The following MSRA variants were observed in gnomAD, a reference collection of about 807,000 sequenced individuals.
MSRA encodes mitochondrial peptide methionine sulfoxide reductase.
Under a neutral mutation model 31.3 loss-of-function variants are expected in MSRA, and 54 were observed. The ratio of observed to expected loss-of-function variants is 1.73; its 90% CI spans 1.39 to 2.17. The LOEUF (loss-of-function observed/expected upper bound fraction) is 2.17, where lower values mean the gene tolerates loss of function less well. Among genes scored for constraint, MSRA ranks in the 30% most tolerant of loss-of-function variants. The pLI, the probability that MSRA is intolerant of heterozygous loss-of-function variation, is 0.00. For synonymous variants in MSRA, 169 were observed against 116.5 expected (o/e 1.45, Z -2.90); for missense variants, 507 against 300.9 (o/e 1.69, Z -5.07).
intron 1 of MSRA, among the ~76,000 whole-genome samples, chr8:10,162,575 T>TG (rs1804758037): frequency 6.6e-6 from 1 of 151,776 alleles, no homozygotes; most frequent in African/African-American, 2.4e-5. Flanking sequence ...GGGGCTACCA[T>TG]GGGGGTCCAG....
chr8:10,130,120 A>G (rs1442288987), intron 1 of MSRA, among the ~76,000 whole-genome samples: 1 of 152,172 alleles, frequency 6.6e-6, no homozygotes, highest in African/African-American at 2.4e-5. Flanking sequence ...GGATGTATCA[A>G]GGACGCTAAA....
intron 1 of MSRA, among the ~76,000 whole-genome samples, chr8:10,159,238 C>T (rs1033806825): frequency 2.0e-4 from 30 of 152,330 alleles, no homozygotes; most frequent in African/African-American, 7.2e-4. Context: ...CATTTCCTGC[C>T]TGGGCACCTG....
At chr8:10,408,167 G>C (rs1010726043) in intron 5 of MSRA, among the ~76,000 whole-genome samples, 1 of 152,154 alleles carries the variant, frequency 6.6e-6, no homozygotes, top group Non-Finnish European at 1.5e-5. Context: ...TCCCTGGGAC[G>C]AGATGTGCAA....
At chr8:10,360,917 C>G (rs1481030098) in intron 5 of MSRA, among the ~76,000 whole-genome samples, 2 of 152,190 alleles carry the variant, frequency 1.3e-5, no homozygotes, top group African/African-American at 4.8e-5. Context: ...CATACTTGGG[C>G]AAGCCTGTGA....
intron 2 of MSRA, among the ~76,000 whole-genome samples, chr8:10,236,226 A>G (rs1297749868): frequency 6.6e-6 from 1 of 152,188 alleles, no homozygotes; most frequent in Non-Finnish European, 1.5e-5. Flanking sequence ...TAGCATTGTC[A>G]TTATTCAGCA....
chr8:10,395,086 C>T (rs959862454), intron 5 of MSRA, among the ~76,000 whole-genome samples: 7 of 152,154 alleles, frequency 4.6e-5, no homozygotes, highest in African/African-American at 1.7e-4. Context: ...TGTGTGTAAG[C>T]GTAGCAGGAA....
intron 2 of MSRA, among the ~76,000 whole-genome samples, chr8:10,232,352 T>TGG (rs1435744693): frequency 5.3e-5 from 8 of 152,042 alleles, no homozygotes; most frequent in African/African-American, 1.9e-4. Context: ...TAGGCAGAGG[T>TGG]GGAGAGTGGG....
At chr8:10,147,772 A>T (rs1036488459) in intron 1 of MSRA, among the ~76,000 whole-genome samples, 1 of 152,194 alleles carries the variant, frequency 6.6e-6, no homozygotes, top group African/African-American at 2.4e-5. Context: ...TTCTCCTAGC[A>T]TCTGTGGCAC....
intron 3 of MSRA, among the ~76,000 whole-genome samples, chr8:10,291,847 T>C (rs1800253459): frequency 6.6e-6 from 1 of 152,164 alleles, no homozygotes; most frequent in Non-Finnish European, 1.5e-5. Flanking sequence ...ATAGGATAAA[T>C]AAACTAAGTC....
At chr8:10,061,306 G>T (rs1190885120) in intron 1 of MSRA, among the ~76,000 whole-genome samples, 1 of 152,054 alleles carries the variant, frequency 6.6e-6, no homozygotes, top group African/African-American at 2.4e-5. Flanking sequence ...TCTATTAAAG[G>T]CCTGCTTAGG....
intron 5 of MSRA, among the ~76,000 whole-genome samples, chr8:10,329,373 C>T (rs1226075516): frequency 2.6e-5 from 4 of 152,200 alleles, no homozygotes; most frequent in South Asian, 2.1e-4. Context: ...CCTGTGGCTG[C>T]ATCACTCAAG....
intron 1 of MSRA, among the ~76,000 whole-genome samples, chr8:10,154,439 A>T (rs1290152606): frequency 6.6e-6 from 1 of 151,796 alleles, no homozygotes; most frequent in Non-Finnish European, 1.5e-5. Flanking sequence ...GTGCAGTGGC[A>T]CAATCTCGGC....
chr8:10,223,497 G>A (rs12547440), intron 2 of MSRA, among the ~76,000 whole-genome samples: 33,695 of 152,046 alleles, frequency 0.22, 4,337 homozygotes, highest in Admixed American at 0.37. Context: ...ATTGGTTATC[G>A]GCCACATTTG....
chr8:10,313,099 C>A (rs979535345), intron 4 of MSRA, among the ~76,000 whole-genome samples: 1 of 152,198 alleles, frequency 6.6e-6, no homozygotes, highest in Admixed American at 6.5e-5. Context: ...CACCATTCCT[C>A]TTCTCCCTTG....
intron 5 of MSRA, among the ~76,000 whole-genome samples, chr8:10,359,801 T>C (rs1225709213): frequency 6.6e-6 from 1 of 152,098 alleles, no homozygotes; most frequent in East Asian, 1.9e-4. Flanking sequence ...TTTTGCAAAG[T>C]TTGCCTTTTC....
intron 3 of MSRA, among the ~76,000 whole-genome samples, chr8:10,297,267 C>T (rs186260481): frequency 6.6e-6 from 1 of 152,316 alleles, no homozygotes; most frequent in African/African-American, 2.4e-5. Context: ...TCATCTTCCT[C>T]TGGGGCTGTG....
intron 5 of MSRA, among the ~76,000 whole-genome samples, chr8:10,335,248 CT>C: frequency 1.1e-5 from 1 of 93,236 alleles, no homozygotes; most frequent in Non-Finnish European, 2.1e-5. Flanking sequence ...CCTCCCAGCT[CT>C]GTTTTTTTTT....
intron 5 of MSRA, among the ~76,000 whole-genome samples, chr8:10,351,192 C>A (rs994942835): frequency 2.0e-5 from 3 of 151,330 alleles, no homozygotes; most frequent in African/African-American, 4.9e-5. Context: ...TCATCTCTTT[C>A]CCTCCCAAAA....
chr8:10,329,892 C>A (rs1017617599), intron 5 of MSRA, among the ~76,000 whole-genome samples: 1 of 151,654 alleles, frequency 6.6e-6, no homozygotes, highest in African/African-American at 2.4e-5. Flanking sequence ...TCTCTACCTT[C>A]AAAACAGACC....
Sources: gnomAD v4.1 joint callset for allele counts (sites outside exome capture counted in the v4.1 genomes callset) on GRCh38, gnomAD v4.1.1 for gene constraint, MANE v1.5 for transcripts, NCBI Gene and HGNC (gene_info 2026-07-23, HGNC 2026-07-21) for gene names.